The following THRB variants were observed in gnomAD, a reference collection of about 807,000 sequenced individuals.
THRB encodes the protein thyroid hormone receptor beta.
A neutral mutation model predicts 47.8 loss-of-function variants in THRB; 12 were observed. The observed-to-expected ratio is 0.25, with a 90% CI of 0.16 to 0.41. The LOEUF is 0.41. THRB is among the 10% of genes least tolerant of loss of function. THRB has a pLI of 1.00. For missense variants in THRB, 348 were observed against 589.2 expected (o/e 0.59, Z 4.24); for synonymous variants, 218 against 212.2 (o/e 1.03, Z -0.24).
intron 5 of THRB, among the ~76,000 whole-genome samples, chr3:24,181,348 G>A (rs1003363100): frequency 1.3e-5 from 2 of 152,178 alleles, no homozygotes; most frequent in Admixed American, 6.5e-5. Context: ...CTTTGTTGGA[G>A]AGAATTATTG....
intron 5 of THRB, among the ~76,000 whole-genome samples, chr3:24,163,711 C>A (rs2039236221): frequency 6.6e-6 from 1 of 152,042 alleles, no homozygotes; most frequent in Non-Finnish European, 1.5e-5. Context: ...TTCTGATGAC[C>A]TTCAAAAGGA....
intron 1 of THRB, among the ~76,000 whole-genome samples, chr3:24,456,018 A>G (rs2073138273): frequency 6.6e-6 from 1 of 152,224 alleles, no homozygotes; most frequent in Non-Finnish European, 1.5e-5. Context: ...TAGTCCTTTT[A>G]GATTCCCAAA....
At chr3:24,165,634 A>G (rs2039549192) in intron 5 of THRB, 1 of 372,226 alleles carries the variant, frequency 2.7e-6, no homozygotes, top group Non-Finnish European at 4.9e-6. Context: ...ATGACTATCA[A>G]AGGTCTTAAG....
Position 24,127,520 on chromosome 3 carries a change from C to A in THRB, c.1123G>T (p.Ala375Ser). Residue 375 changes from alanine to serine, a missense_variant, in exon 10 of 11, where the codon GCC becomes TCC. Ala to Ser is a moderately conservative substitution (Grantham distance 99). Around this residue, in one of 5 missense-constraint regions of THRB, gnomAD observed 45 missense variants for 156.2 expected, o/e 0.29. Coordinates refer to ENST00000646209, the MANE Select transcript of THRB (RefSeq NM_001354712.2). ...TCACCTGAAGACATCAGCAGGACGGCCTGAAGGAGGGCTACTTCAGTGTCA... is the reference window on the plus strand; with the variant it reads ...TCACCTGAAGACATCAGCAGGACGGACTGAAGGAGGGCTACTTCAGTGTCA... ...LDDTEVALLQ[A>S]VLLMSSDRPG... is the part of the protein sequence containing the mutation. 6.2e-7 allele frequency: 1 copy of A among 1,614,148 alleles called. No individual in the cohort carries two copies. Among genetic ancestry groups the A allele is most frequent in the Non-Finnish European group, 8.5e-7 (1 of 1,180,020 alleles).
At chr3:24,132,302 A>G (rs2148884970) in intron 9 of THRB, among the ~76,000 whole-genome samples, 1 of 152,218 alleles carries the variant, frequency 6.6e-6, no homozygotes, top group East Asian at 1.9e-4. Context: ...CAAGAATCTT[A>G]CGAAATTTTT....
chr3:24,190,436 C>T, intron 4 of THRB, 102 bp from the exon 5 acceptor site: 1 of 1,451,004 alleles, frequency 6.9e-7, no homozygotes, highest in Non-Finnish European at 9.7e-7. Context: ...TTCTTTTGGG[C>T]TGACAGTATT....
At chr3:24,149,036 T>C (rs73138606) in intron 6 of THRB, among the ~76,000 whole-genome samples, 3,921 of 152,298 alleles carry the variant, frequency 0.026, 188 homozygotes, top group African/African-American at 0.089. Context: ...AATGATTTCC[T>C]GGGTGTGCAG....
chr3:24,485,245 C>G (rs2125912767), intron 1 of THRB, among the ~76,000 whole-genome samples: 1 of 152,310 alleles, frequency 6.6e-6, no homozygotes, highest in South Asian at 2.1e-4. Context: ...TTAAATTAAG[C>G]TTCACTTGAA....
rs1251121849 is a variant in THRB, at chr3:24,152,969, AAAAAGAAAGAAAG to A, written c.284-492_284-480del. Among the ~76,000 whole-genome samples the A allele has an allele frequency of 7.2e-4, 49 of 67,792 alleles. 1 individual carries two copies. Among genetic ancestry groups the A allele is most frequent in the Admixed American group, 2.7e-3 (16 of 5,976 alleles). The allele number at this position is 67,792 out of a possible 152,430, so 44.5% of individuals were successfully genotyped here. A position where few individuals can be genotyped will look rare whatever the true frequency, so the allele number is the denominator to read the frequency against. On this transcript the variant is annotated intron_variant, in intron 5 of 10. Coordinates refer to ENST00000646209, the MANE Select transcript of THRB (RefSeq NM_001354712.2). ...AAGAGCGAAATTCTGCCAAAAAAAAAAAAAGAAAGAAAGAAAGAAAGAAAGAAAGAAAGAAAGA... is the reference window on the plus strand; with the variant it reads ...AAGAGCGAAATTCTGCCAAAAAAAAAAAAGAAAGAAAGAAAGAAAGAAAGA...
At chr3:24,370,836 A>G (rs1241311515) in intron 1 of THRB, among the ~76,000 whole-genome samples, 1 of 152,108 alleles carries the variant, frequency 6.6e-6, no homozygotes, top group Non-Finnish European at 1.5e-5. Context: ...CTTCACTACA[A>G]TGGCATTGCT....
At chr3:24,330,981 T>A (rs1196466860) in intron 2 of THRB, among the ~76,000 whole-genome samples, 1 of 152,014 alleles carries the variant, frequency 6.6e-6, no homozygotes, top group African/African-American at 2.4e-5. Flanking sequence ...ACACAAGGGA[T>A]GTGTGCACCT....
chr3:24,426,082 T>C (rs1311429175), intron 1 of THRB, among the ~76,000 whole-genome samples: 3 of 151,916 alleles, frequency 2.0e-5, no homozygotes, highest in Non-Finnish European at 4.4e-5. Context: ...AAGGATTAAA[T>C]AAGTAAAACC....
At chr3:24,455,496 T>C (rs1166427940) in intron 1 of THRB, 1 of 152,164 alleles carries the variant, frequency 6.6e-6, no homozygotes, top group African/African-American at 2.4e-5. Flanking sequence ...TGTTTCTGAG[T>C]TAATAATGGA....
chr3:24,232,109 CA>C (rs2048318350), intron 3 of THRB, among the ~76,000 whole-genome samples: 1 of 152,190 alleles, frequency 6.6e-6, no homozygotes, highest in South Asian at 2.1e-4. Flanking sequence ...CACGGCCCTT[CA>C]AAGTCGATGG....
At chr3:24,256,221 A>G (rs1352781615) in intron 3 of THRB, among the ~76,000 whole-genome samples, 1 of 152,206 alleles carries the variant, frequency 6.6e-6, no homozygotes, top group African/African-American at 2.4e-5. Context: ...TGAGGTCTAG[A>G]AAATGGTCAC....
intron 3 of THRB, among the ~76,000 whole-genome samples, chr3:24,240,463 G>A (rs1412235983): frequency 2.0e-5 from 3 of 152,208 alleles, no homozygotes; most frequent in Non-Finnish European, 4.4e-5. Flanking sequence ...AAATTACACG[G>A]ATGCCAACCA....
chr3:24,251,683 A>AC (rs142074188), intron 3 of THRB, among the ~76,000 whole-genome samples: 1,626 of 151,832 alleles, frequency 0.011, 32 homozygotes, highest in African/African-American at 0.037. Flanking sequence ...CTGTCAAGGA[A>AC]CCCCCCTCCT....
intron 1 of THRB, among the ~76,000 whole-genome samples, chr3:24,410,461 G>T (rs542606855): frequency 6.6e-6 from 1 of 151,796 alleles, no homozygotes; most frequent in Admixed American, 6.6e-5. Context: ...GCTACATTTT[G>T]TATAACACAT....
In THRB at chr3:24,254,046, C is replaced by G. The variant is rs145014846; in HGVS notation, c.-42-25045G>C. ...AGTCTATTCACTAGATTTGATTATT[C>G]ATAACATTTGGGTTTTTCTAAAAAT... is the stretch of plus-strand genomic sequence containing the variant. On this transcript the variant is annotated intron_variant, in intron 3 of 10. Transcript: ENST00000646209. 6.7e-5 allele frequency among the ~76,000 whole-genome samples: 10 copies of G among 149,936 alleles called. No individual in the cohort carries two copies. In the East Asian group the frequency reaches 2.0e-3, roughly 30 times the overall value.
Sources: allele counts gnomAD v4.1 joint callset (sites outside exome capture counted in the v4.1 genomes callset), GRCh38; gene constraint gnomAD v4.1.1; regional missense constraint gnomAD v4.1.1; transcripts MANE v1.5; gene names NCBI Gene and HGNC (gene_info 2026-07-23, HGNC 2026-07-21).